Variants in AKR1C4 observed in about 807,000 individuals in gnomAD.
AKR1C4 encodes aldo-keto reductase family 1 member C4.
AKR1C4 carries 44 observed loss-of-function variants against 41.0 expected under a neutral mutation model. The observed-to-expected ratio is 1.07, with a 90% CI of 0.84 to 1.38. The LOEUF (loss-of-function observed/expected upper bound fraction) is 1.38, where lower values mean the gene tolerates loss of function less well. AKR1C4 is among the 40% of genes most tolerant of loss of function. AKR1C4 has a pLI of 0.00. For missense variants in AKR1C4, 438 were observed against 387.9 expected, an observed-to-expected ratio of 1.13 and a Z score of -1.09; for synonymous variants, 165 against 137.7, an observed-to-expected ratio of 1.20 and a Z score of -1.39.
At chr10:5,212,909 G>A (rs1832600094) in intron 6 of AKR1C4, 85 bp from the exon 7 acceptor site, 6 of 1,527,390 alleles carry the variant, frequency 3.9e-6, no homozygotes, top group African/African-American at 1.4e-5. Flanking sequence ...CTCTGGTGCA[G>A]AATGAACACC....
At chr10:5,201,727 A>T (rs1198073364) in intron 2 of AKR1C4, among the ~76,000 whole-genome samples, 1 of 152,126 alleles carries the variant, frequency 6.6e-6, no homozygotes, top group Non-Finnish European at 1.5e-5. Flanking sequence ...TATCTTCTAA[A>T]ATTTTTATGG....
Position 5,205,830 on chromosome 10 carries a change from G to A in AKR1C4, c.443G>A (p.Trp148Ter), listed in dbSNP as rs1832475875. 1 of 1,612,644 alleles carries A rather than the reference G, an allele frequency of 6.2e-7. No individual in the cohort carries two copies. Among genetic ancestry groups the A allele is most frequent in the Non-Finnish European group, 8.5e-7 (1 of 1,179,164 alleles). ...IFDTVDLSAT[W>*]EVMEKCKDAG... ...GACACAGTGGATCTCTCTGCCACAT[G>A]GGAGGTGAGTGCTTGGAGGACAGAG... The change falls in exon 4 of 9, where the codon TGG becomes TAG. Residue 148 changes from tryptophan (W) to a stop codon, truncating the protein, a stop_gained. Transcript: ENST00000263126. LOFTEE classifies it high-confidence loss of function.
chr10:5,206,409 C>T lies in AKR1C4; in HGVS notation c.570+12C>T. The stretch of plus-strand genomic sequence containing the variant: ...CTGTCTGCAACCAGGTGAGCACCCT[C>T]AGCCTCCTCTCCTTTCTCTTCTCAA... On this transcript the variant is annotated intron_variant, in intron 5 of 8. Transcript: ENST00000263126. The T allele has an allele frequency of 6.2e-7, 1 of 1,614,006 alleles. No homozygotes were observed.
At position 5,206,415 on chromosome 10, in the gene AKR1C4, C is replaced by CA; in HGVS notation, c.570+18_570+19insA. On this transcript the variant is annotated intron_variant, in intron 5 of 8. Coordinates refer to ENST00000263126, the MANE Select transcript of AKR1C4 (RefSeq NM_001818.5). The stretch of plus-strand genomic sequence containing the variant: ...GCAACCAGGTGAGCACCCTCAGCCT[C>CA]CTCTCCTTTCTCTTCTCAATGTCCA... 6.2e-7 allele frequency: 1 copy of CA among 1,613,934 alleles called. No individual in the cohort carries two copies. Among genetic ancestry groups the CA allele is most frequent in the Non-Finnish European group, 8.5e-7 (1 of 1,179,870 alleles).
At chr10:5,202,939 TTGTGTGTG>T (rs57414547) in intron 2 of AKR1C4, among the ~76,000 whole-genome samples, 18,489 of 138,890 alleles carry the variant, frequency 0.13, 1,282 homozygotes, top group East Asian at 0.22. Context: ...TAGTTTTCTT[TTGTGTGTG>T]TGTGTGTGTG....
intron 7 of AKR1C4, among the ~76,000 whole-genome samples, chr10:5,214,199 G>C (rs551427412): frequency 6.6e-6 from 1 of 152,014 alleles, no homozygotes; most frequent in Non-Finnish European, 1.5e-5. Flanking sequence ...GTCCTACTAA[G>C]AATTATTGAA....
chr10:5,210,311 T>C (rs1422564956), intron 5 of AKR1C4, among the ~76,000 whole-genome samples: 1 of 152,208 alleles, frequency 6.6e-6, no homozygotes, highest in Non-Finnish European at 1.5e-5. Context: ...GGGTACAGCC[T>C]CCCTTCTGGC....
rs180822515 is a variant in AKR1C4, at chr10:5,214,972, T to C, written c.847-1739T>C. 1.5e-3 allele frequency among the ~76,000 whole-genome samples: 226 copies of C among 152,304 alleles called. 1 individual carries two copies. The highest frequency in any genetic ancestry group is 5.2e-3 in the African/African-American group (216 of 41,564). On this transcript the variant is annotated intron_variant, in intron 7 of 8. Coordinates refer to ENST00000263126, the MANE Select transcript of AKR1C4 (RefSeq NM_001818.5). The stretch of plus-strand genomic sequence containing the variant: ...GATTTGGACAATTACTGTCTTGAAT[T>C]TTATTGAAAACAATTGTTTTTCACA...
intron 2 of AKR1C4, among the ~76,000 whole-genome samples, chr10:5,203,107 T>C (rs1245451858): frequency 6.6e-6 from 1 of 152,078 alleles, no homozygotes; most frequent in South Asian, 2.1e-4. Flanking sequence ...TCTTTGAACA[T>C]CTCCTGTGGA....
At chr10:5,217,314 C>T (rs568086088) in intron 8 of AKR1C4, among the ~76,000 whole-genome samples, 1 of 152,300 alleles carries the variant, frequency 6.6e-6, no homozygotes, top group Admixed American at 6.5e-5. Flanking sequence ...TTTCTTTCTT[C>T]CTTCTCTTTA....
intron 8 of AKR1C4, among the ~76,000 whole-genome samples, chr10:5,217,240 T>G (rs11253047): frequency 0.047 from 7,145 of 152,332 alleles, 258 homozygotes; most frequent in African/African-American, 0.11. Context: ...CCAGAAATTC[T>G]CTTCTCTTCC....
chr10:5,197,047 C>A, intron 1 of AKR1C4, 96 bp downstream of exon 1: 1 of 1,183,502 alleles, frequency 8.4e-7, no homozygotes, highest in Non-Finnish European at 1.3e-6. Context: ...TTCTGTTACC[C>A]TGAGTGACTC....
intron 5 of AKR1C4, among the ~76,000 whole-genome samples, chr10:5,209,429 A>G: frequency 6.6e-6 from 1 of 151,992 alleles, no homozygotes; most frequent in Non-Finnish European, 1.5e-5. Context: ...CACAAAGTCA[A>G]GAAAAGAAAC....
chr10:5,209,010 A>G (rs1832530946), intron 5 of AKR1C4, among the ~76,000 whole-genome samples: 1 of 151,904 alleles, frequency 6.6e-6, no homozygotes, highest in South Asian at 2.1e-4. Context: ...ATTAGAAGTT[A>G]TACTTGAATG....
At chr10:5,197,868 C>G (rs1040803781) in intron 1 of AKR1C4, among the ~76,000 whole-genome samples, 2 of 152,278 alleles carry the variant, frequency 1.3e-5, no homozygotes, top group Non-Finnish European at 2.9e-5. Context: ...AAGCACAACA[C>G]GGAAGCTCTA....
At chr10:5,212,869 T>C in intron 6 of AKR1C4, 125 bp from the exon 7 acceptor site, 5 of 1,409,988 alleles carry the variant, frequency 3.5e-6, no homozygotes, top group Non-Finnish European at 4.8e-6. Context: ...CAGGTGATGC[T>C]GCTGCTGTTC....
At chr10:5,208,875 GAATA>G (rs1227820710) in intron 5 of AKR1C4, among the ~76,000 whole-genome samples, 1 of 146,596 alleles carries the variant, frequency 6.8e-6, no homozygotes, top group Admixed American at 6.8e-5. Flanking sequence ...AAACAATGAA[GAATA>G]AATAAAAGAT....
chr10:5,197,402 G>A (rs1466434421), intron 1 of AKR1C4, among the ~76,000 whole-genome samples: 1 of 152,152 alleles, frequency 6.6e-6, no homozygotes, highest in African/African-American at 2.4e-5. Context: ...AAAACTGTTG[G>A]GAGAGTACTG....
At chr10:5,207,807 G>A (rs10904440) in intron 5 of AKR1C4, 296,261 of 347,332 alleles carry the variant, frequency 0.85, 129,716 homozygotes, top group East Asian at 0.98. Flanking sequence ...TTTGACAAAT[G>A]CAAGACTGTC....
Sources: gnomAD v4.1 joint callset for allele counts (sites outside exome capture counted in the v4.1 genomes callset) on GRCh38, gnomAD v4.1.1 for gene constraint, MANE v1.5 for transcripts, NCBI Gene and HGNC (gene_info 2026-07-23, HGNC 2026-07-21) for gene names.